Variants in DENND1A observed in about 807,000 individuals in gnomAD.
DENND1A encodes the protein DENN domain-containing protein 1A.
In DENND1A, 51 loss-of-function variants were observed where a neutral mutation model predicts 113.7. That is an observed-to-expected ratio of 0.45 (90% CI 0.36 to 0.57). The LOEUF (loss-of-function observed/expected upper bound fraction) is 0.57. Ranked by LOEUF, DENND1A falls within the 20% of genes least tolerant of loss-of-function variation. The probability of loss-of-function intolerance (pLI) is 0.00; values close to 1 mark genes in which losing one functional copy is unlikely to be tolerated. For missense variants in DENND1A, 1,258 were observed against 1,395.9 expected (o/e 0.90, Z 1.57); for synonymous variants, 565 against 570.8 (o/e 0.99, Z 0.14).
chr9:123,868,949 C>T (rs773142413), intron 2 of DENND1A, among the ~76,000 whole-genome samples: 7 of 152,064 alleles, frequency 4.6e-5, no homozygotes, highest in Non-Finnish European at 7.4e-5. Flanking sequence ...ATACAATTAA[C>T]GTAAAATTCA....
intron 13 of DENND1A, among the ~76,000 whole-genome samples, chr9:123,553,397 G>GC (rs1283056085): frequency 0.075 from 10,455 of 139,616 alleles, 899 homozygotes; most frequent in Non-Finnish European, 0.097. Flanking sequence ...CTTTTTAAAA[G>GC]CCGCCCCCCC....
At chr9:123,852,633 A>G (rs1843550855) in intron 2 of DENND1A, among the ~76,000 whole-genome samples, 1 of 152,180 alleles carries the variant, frequency 6.6e-6, no homozygotes, top group Non-Finnish European at 1.5e-5. Flanking sequence ...ATAACAGCAC[A>G]CTCCCAGTGC....
At chr9:123,862,506 C>A (rs921562391) in intron 2 of DENND1A, among the ~76,000 whole-genome samples, 17 of 152,192 alleles carry the variant, frequency 1.1e-4, no homozygotes, top group African/African-American at 3.6e-4. Context: ...ACCTAAAGAT[C>A]CATAAATGTG....
chr9:123,583,136 C>A, intron 12 of DENND1A, 33 bp downstream of exon 12: 2 of 1,507,574 alleles, frequency 1.3e-6, no homozygotes, highest in Non-Finnish European at 1.8e-6. Flanking sequence ...CAGGAGCTCA[C>A]AGAAGTGAGA....
chr9:123,903,327 G>A (rs1172513650), intron 1 of DENND1A, among the ~76,000 whole-genome samples: 5 of 68,644 alleles, frequency 7.3e-5, no homozygotes, highest in African/African-American at 1.3e-4. Flanking sequence ...GCGAGACTCC[G>A]TCTCAAAAAA....
chr9:123,792,606 G>A lies in DENND1A; in HGVS notation c.113C>T (p.Pro38Leu). Residue 38 changes from proline to leucine, a missense_variant, in exon 3 of 24, where the codon CCG (proline) becomes CTG (leucine). Around this residue, in one of 2 missense-constraint regions of DENND1A, gnomAD observed 99 missense variants for 164.2 expected, o/e 0.60. Transcript: ENST00000394215. ...CCGAACCTGGTCACTGTAGTCCTCCGGGAATTGCCTCTGCACCTCAGGATC... is the reference window on the plus strand; with the variant it reads ...CCGAACCTGGTCACTGTAGTCCTCCAGGAATTGCCTCTGCACCTCAGGATC... Reference protein sequence around the residue: ...LSDPEVQRQFPEDYSDQEVLQ... With the variant: ...LSDPEVQRQFLEDYSDQEVLQ... 1.2e-6 allele frequency: 2 copies of A among 1,612,482 alleles called. No individual in the cohort carries two copies. The highest frequency in any genetic ancestry group is 1.7e-6 in the Non-Finnish European group (2 of 1,179,146).
intron 13 of DENND1A, among the ~76,000 whole-genome samples, chr9:123,547,388 G>A (rs1276792682): frequency 1.3e-5 from 2 of 152,194 alleles, no homozygotes; most frequent in East Asian, 3.8e-4. Flanking sequence ...AATTAGCTGG[G>A]CATGGTGGCG....
intron 1 of DENND1A, among the ~76,000 whole-genome samples, chr9:123,908,663 A>G (rs1853367533): frequency 6.6e-6 from 1 of 151,526 alleles, no homozygotes; most frequent in Non-Finnish European, 1.5e-5. Context: ...ATCTCACACC[A>G]GTTAGAATGG....
chr9:123,507,027 A>G (rs1453316097), intron 13 of DENND1A, among the ~76,000 whole-genome samples: 2 of 151,924 alleles, frequency 1.3e-5, no homozygotes, highest in African/African-American at 4.8e-5. Context: ...CTCTACTAAA[A>G]ACAATACAAA....
intron 1 of DENND1A, among the ~76,000 whole-genome samples, chr9:123,883,291 C>G (rs1291505842): frequency 6.6e-6 from 1 of 152,156 alleles, no homozygotes. Context: ...GGAGTGTTTC[C>G]CTGGTGCCTG....
intron 21 of DENND1A, among the ~76,000 whole-genome samples, chr9:123,402,865 C>T (rs927642016): frequency 4.6e-5 from 7 of 152,172 alleles, no homozygotes; most frequent in South Asian, 4.1e-4. Context: ...GCCAGTCCTA[C>T]GGGAGGTGCT....
intron 19 of DENND1A, chr9:123,414,173 G>A (rs2044533224): frequency 3.9e-6 from 4 of 1,014,460 alleles, no homozygotes; most frequent in Non-Finnish European, 3.6e-6. Flanking sequence ...CCAGGCCCAC[G>A]ATTTGACCAT....
At chr9:123,681,976 G>A (rs1328608917) in intron 5 of DENND1A, among the ~76,000 whole-genome samples, 2 of 151,868 alleles carry the variant, frequency 1.3e-5, no homozygotes, top group South Asian at 2.1e-4. Context: ...AACAGGACAC[G>A]AAAGCCAGTG....
intron 10 of DENND1A, among the ~76,000 whole-genome samples, chr9:123,617,254 C>T (rs1340188574): frequency 1.3e-5 from 2 of 152,148 alleles, no homozygotes; most frequent in Non-Finnish European, 2.9e-5. Context: ...AGGAATAATT[C>T]TAGATTAGGG....
intron 6 of DENND1A, among the ~76,000 whole-genome samples, chr9:123,671,667 T>C (rs991576839): frequency 2.6e-5 from 4 of 151,950 alleles, no homozygotes; most frequent in African/African-American, 9.7e-5. Context: ...TCCCCTAAAC[T>C]CCATAGCAAC....
intron 13 of DENND1A, among the ~76,000 whole-genome samples, chr9:123,514,572 C>G (rs2053740992): frequency 6.6e-6 from 1 of 152,018 alleles, no homozygotes; most frequent in Non-Finnish European, 1.5e-5. Context: ...TGGTTCCACA[C>G]AAATAACCAA....
At chr9:123,651,947 C>T (rs1466489777) in intron 9 of DENND1A, 66 bp downstream of exon 9, 3 of 1,435,030 alleles carry the variant, frequency 2.1e-6, no homozygotes, top group Non-Finnish European at 2.9e-6. Context: ...TTTCTTTCAT[C>T]TTGCTGGTGT....
At chr9:123,607,474 GACAC>G (rs2060206853) in intron 11 of DENND1A, among the ~76,000 whole-genome samples, 2 of 129,316 alleles carry the variant, frequency 1.5e-5, no homozygotes, top group South Asian at 2.8e-4. Context: ...GAGAGAGAGA[GACAC>G]AGAGAGAGAG....
At chr9:123,520,147 C>CCAA (rs1554853704) in intron 13 of DENND1A, among the ~76,000 whole-genome samples, 1,494 of 37,294 alleles carry the variant, frequency 0.04, 230 homozygotes, top group Middle Eastern at 0.079. Context: ...GATCCTGTCT[C>CCAA]AAAAAAAAAA....
Sources: allele counts gnomAD v4.1 joint callset (sites outside exome capture counted in the v4.1 genomes callset), GRCh38; gene constraint gnomAD v4.1.1; regional missense constraint gnomAD v4.1.1; transcripts MANE v1.5; gene names NCBI Gene and HGNC (gene_info 2026-07-23, HGNC 2026-07-21).